The following ATXN2 variants were observed in gnomAD, a reference collection of about 807,000 sequenced individuals.
ATXN2 encodes the protein ataxin-2.
In ATXN2, 37 loss-of-function variants were observed where a neutral mutation model predicts 138.6. That is an observed-to-expected ratio of 0.27 (90% CI 0.21 to 0.35). ATXN2 has a LOEUF of 0.35. ATXN2 is among the 10% of genes least tolerant of loss of function. The pLI, the probability that ATXN2 is intolerant of heterozygous loss-of-function variation, is 1.00. For missense variants in ATXN2, 1,216 were observed against 1,480.3 expected (o/e 0.82, Z 2.93); for synonymous variants, 549 against 543.7 (o/e 1.01, Z -0.13).
intron 21 of ATXN2, chr12:111,457,815 TGG>T (rs1875230888): frequency 6.4e-6 from 1 of 155,138 alleles, no homozygotes; most frequent in Non-Finnish European, 1.4e-5. Flanking sequence ...GCACTGTGTA[TGG>T]TATGTGGCAA....
chr12:111,534,014 AAAAC>A (rs1397427094), intron 5 of ATXN2, among the ~76,000 whole-genome samples: 4 of 152,186 alleles, frequency 2.6e-5, no homozygotes, highest in African/African-American at 9.7e-5. Context: ...AAGAGAAAAA[AAAAC>A]AGTTATTCCC....
intron 5 of ATXN2, among the ~76,000 whole-genome samples, chr12:111,535,808 G>A (rs1321061085): frequency 1.3e-5 from 2 of 151,636 alleles, no homozygotes; most frequent in Admixed American, 6.6e-5. Context: ...AGACCATCCC[G>A]GCTAAAACGG....
At chr12:111,474,852 G>T (rs11065917) in intron 18 of ATXN2, among the ~76,000 whole-genome samples, 2 of 151,948 alleles carry the variant, frequency 1.3e-5, no homozygotes, top group African/African-American at 4.8e-5. Flanking sequence ...GGGAGGCCGA[G>T]GCGGGTGGAT....
At chr12:111,459,360 G>C (rs1875382050) in intron 21 of ATXN2, among the ~76,000 whole-genome samples, 1 of 152,176 alleles carries the variant, frequency 6.6e-6, no homozygotes, top group Admixed American at 6.6e-5. Flanking sequence ...TATAGGCACT[G>C]ACTTGGTCTA....
intron 14 of ATXN2, among the ~76,000 whole-genome samples, chr12:111,497,873 G>A (rs574992301): frequency 6.6e-5 from 10 of 152,022 alleles, no homozygotes; most frequent in South Asian, 4.2e-4. Context: ...AAAATTAGCC[G>A]GGCGTGTTAG....
chr12:111,559,249 C>T (rs1314498207), intron 1 of ATXN2, among the ~76,000 whole-genome samples: 1 of 151,178 alleles, frequency 6.6e-6, no homozygotes, highest in East Asian at 2.0e-4. Context: ...TACAGGTACG[C>T]GTCACCATGC....
intron 18 of ATXN2, among the ~76,000 whole-genome samples, chr12:111,480,902 C>T (rs946062968): frequency 6.6e-6 from 1 of 152,082 alleles, no homozygotes; most frequent in Non-Finnish European, 1.5e-5. Flanking sequence ...TTAGGCAATG[C>T]TTTGTCTGAT....
At chr12:111,506,957 C>A (rs1159647445) in intron 14 of ATXN2, among the ~76,000 whole-genome samples, 2 of 152,186 alleles carry the variant, frequency 1.3e-5, no homozygotes, top group African/African-American at 4.8e-5. Flanking sequence ...GAGTCTCGTT[C>A]ACTCAGTGCT....
chr12:111,590,488 C>T (rs1346234336), intron 1 of ATXN2, among the ~76,000 whole-genome samples: 3 of 151,632 alleles, frequency 2.0e-5, no homozygotes, highest in African/African-American at 4.8e-5. Context: ...AGATCGACAC[C>T]ATCCTGGCCA....
intron 22 of ATXN2, among the ~76,000 whole-genome samples, chr12:111,456,983 C>T (rs1450266992): frequency 6.6e-6 from 1 of 152,066 alleles, no homozygotes; most frequent in Non-Finnish European, 1.5e-5. Flanking sequence ...CTCCTGACCT[C>T]GTGATCCACC....
intron 1 of ATXN2, among the ~76,000 whole-genome samples, chr12:111,577,329 G>A (rs1469905760): frequency 4.6e-5 from 7 of 151,918 alleles, no homozygotes; most frequent in Admixed American, 6.6e-5. Flanking sequence ...GCAGTGGCAC[G>A]ATCTCGGCTC....
chr12:111,528,971 G>GT (rs1403280513), intron 5 of ATXN2, among the ~76,000 whole-genome samples: 2 of 152,010 alleles, frequency 1.3e-5, no homozygotes, highest in African/African-American at 2.4e-5. Flanking sequence ...AAAAAAATTT[G>GT]TTTTTGTTTT....
intron 14 of ATXN2, among the ~76,000 whole-genome samples, chr12:111,501,593 C>A (rs1878765607): frequency 6.6e-6 from 1 of 152,170 alleles, no homozygotes; most frequent in Non-Finnish European, 1.5e-5. Context: ...GCATCGCAAG[C>A]TTTACTGCAT....
chr12:111,545,260 T>G (rs1297428956), intron 5 of ATXN2, among the ~76,000 whole-genome samples: 1 of 151,160 alleles, frequency 6.6e-6, no homozygotes, highest in Non-Finnish European at 1.5e-5. Flanking sequence ...AGGCAGATGT[T>G]GAAGAGCCCA....
At chr12:111,558,909 G>A (rs1178153520) in intron 1 of ATXN2, among the ~76,000 whole-genome samples, 3 of 151,340 alleles carry the variant, frequency 2.0e-5, no homozygotes, top group African/African-American at 7.3e-5. Context: ...TAGGTGTGCA[G>A]GGGTTCACTT....
At chr12:111,534,281 G>A (rs1881014849) in intron 5 of ATXN2, among the ~76,000 whole-genome samples, 2 of 152,052 alleles carry the variant, frequency 1.3e-5, no homozygotes, top group East Asian at 3.9e-4. Flanking sequence ...CGCACCTGTG[G>A]TCCCAGGTAC....
intron 5 of ATXN2, among the ~76,000 whole-genome samples, chr12:111,545,809 T>C (rs1364205234): frequency 1.3e-5 from 2 of 151,640 alleles, no homozygotes; most frequent in East Asian, 3.9e-4. Context: ...AATATAAATA[T>C]AAAAAATTAG....
At chr12:111,482,875 A>T (rs1877348006) in intron 18 of ATXN2, 1 of 151,922 alleles carries the variant, frequency 6.6e-6, no homozygotes, top group African/African-American at 2.4e-5. Context: ...GAAAATTAAG[A>T]GTTTTAGTTA....
At position 111,552,735 on chromosome 12, in the gene ATXN2, A is replaced by G; in HGVS notation, c.420+171T>C. 1 of 555,876 alleles carries G rather than the reference A, an allele frequency of 1.8e-6. No individual in the cohort carries two copies. The highest frequency in any genetic ancestry group is 2.9e-5 in the South Asian group (1 of 34,940). The allele number at this position is 555,876 out of a possible 1,614,324, so 34.4% of individuals were successfully genotyped here. A position where few individuals can be genotyped will look rare whatever the true frequency, so the allele number is the denominator to read the frequency against. ...GCTTAAAAATGGTTGAAATATTTTA[A>G]TAAGCACACACATCAAGAAGCCTCT... On this transcript the variant is annotated intron_variant, in intron 4 of 24. Transcript: ENST00000673436. This position sits in a 1 kb window ranked among gnomAD's most constrained non-coding sequence, Gnocchi z 4.1.
Sources: allele counts gnomAD v4.1 joint callset (sites outside exome capture counted in the v4.1 genomes callset), GRCh38; gene constraint gnomAD v4.1.1; non-coding constraint Gnocchi (gnomAD v3.1); transcripts MANE v1.5; gene names NCBI Gene and HGNC (gene_info 2026-07-23, HGNC 2026-07-21).